CSMD1: variants seen among roughly 807,000 people sequenced by gnomAD.
CSMD1 encodes CUB and Sushi multiple domains 1.
In CSMD1, 213 loss-of-function variants were observed where a neutral mutation model predicts 417.5. The ratio of observed to expected loss-of-function variants is 0.51; its 90% CI spans 0.46 to 0.57. The LOEUF (loss-of-function observed/expected upper bound fraction) is 0.57, where lower values mean the gene tolerates loss of function less well. CSMD1 is among the 20% of genes least tolerant of loss of function. The pLI is 0.00. For missense variants in CSMD1, 6,923 were observed against 4,529.7 expected, an observed-to-expected ratio of 1.53 and a Z score of -15.17; for synonymous variants, 2,862 against 1,736.8, an observed-to-expected ratio of 1.65 and a Z score of -16.11.
chr8:3,234,735 A>G (rs563712979), intron 26 of CSMD1, among the ~76,000 whole-genome samples: 66 of 152,342 alleles, frequency 4.3e-4, no homozygotes, highest in African/African-American at 1.6e-3. Flanking sequence ...CTCACCCATA[A>G]GCCACACATT....
intron 40 of CSMD1, among the ~76,000 whole-genome samples, chr8:3,147,317 G>C (rs573140049): frequency 1.3e-5 from 2 of 152,186 alleles, no homozygotes; most frequent in South Asian, 4.2e-4. Flanking sequence ...AAAATCTCAT[G>C]ATTTCTACAT....
At chr8:4,156,856 T>G (rs564664446) in intron 3 of CSMD1, among the ~76,000 whole-genome samples, 100 of 152,276 alleles carry the variant, frequency 6.6e-4, no homozygotes, top group African/African-American at 2.4e-3. Context: ...GCTTTTTAAT[T>G]TATCTGAGCT....
chr8:4,001,633 C>G (rs189037977), intron 4 of CSMD1, among the ~76,000 whole-genome samples: 5 of 152,202 alleles, frequency 3.3e-5, no homozygotes, highest in African/African-American at 9.6e-5. Context: ...TTTGAGTCCC[C>G]TGAGTCTAAG....
intron 2 of CSMD1, among the ~76,000 whole-genome samples, chr8:4,480,316 G>C (rs1334091950): frequency 1.3e-5 from 2 of 152,114 alleles, no homozygotes; most frequent in African/African-American, 2.4e-5. Context: ...TAACCTGTGT[G>C]TTTCTGCAGC....
At chr8:4,560,017 A>C (rs532490810) in intron 2 of CSMD1, among the ~76,000 whole-genome samples, 23 of 152,320 alleles carry the variant, frequency 1.5e-4, no homozygotes, top group African/African-American at 5.3e-4. Context: ...TGTGGTCAGA[A>C]ATGCAGTTGA....
intron 3 of CSMD1, among the ~76,000 whole-genome samples, chr8:4,218,098 A>G (rs1800793238): frequency 6.6e-6 from 1 of 152,186 alleles, no homozygotes; most frequent in South Asian, 2.1e-4. Context: ...AATTTTTGCA[A>G]TCGGACATTG....
chr8:3,648,633 G>A (rs1018538977), intron 7 of CSMD1, among the ~76,000 whole-genome samples: 3 of 152,158 alleles, frequency 2.0e-5, no homozygotes, highest in East Asian at 3.9e-4. Flanking sequence ...TTTCTCTAGA[G>A]CATAACAGGA....
chr8:3,633,952 G>C (rs1377579881), intron 7 of CSMD1, among the ~76,000 whole-genome samples: 2 of 151,628 alleles, frequency 1.3e-5, no homozygotes, highest in African/African-American at 2.4e-5. Context: ...ATTTCAAGTG[G>C]ATTCAGTATG....
rs1287162956 is a variant in CSMD1, at chr8:2,942,511, A to G, written c.10496T>C (p.Leu3499Pro). 1.2e-6 allele frequency: 2 copies of G among 1,612,956 alleles called. No homozygotes were observed. Among genetic ancestry groups the G allele is most frequent in the Admixed American group, 1.7e-5 (1 of 59,944 alleles). ...AAAILVPFFA[L>P]ILSGFAFYLY... is the part of the protein sequence containing the mutation. ...GTAAAATGCAAACCCTGATAAAATT[A>G]GAGCAAAGAAAGGAACCAGAATGGC... The change falls in exon 69 of 70, where the codon CTA becomes CCA. Residue 3499 changes from leucine to proline, a missense_variant. Transcript: ENST00000635120.
intron 6 of CSMD1, among the ~76,000 whole-genome samples, chr8:3,720,631 A>T (rs1263001272): frequency 1.3e-5 from 2 of 151,510 alleles, no homozygotes; most frequent in Non-Finnish European, 1.5e-5. Flanking sequence ...ACACACACAC[A>T]CACACACACA....
At chr8:3,556,939 T>G (rs1799183126) in intron 10 of CSMD1, among the ~76,000 whole-genome samples, 1 of 152,048 alleles carries the variant, frequency 6.6e-6, no homozygotes, top group Admixed American at 6.6e-5. Context: ...AACACACACA[T>G]AAAGCCTCAC....
In CSMD1 at chr8:4,370,435, A is replaced by G. The variant is rs566744359; in HGVS notation, c.415+49518T>C. The stretch of plus-strand genomic sequence containing the variant: ...ATTGTCTTGGAAAGGGTCATCTTGT[A>G]TAATATCTCATGGAGATTCTCTGAA... On this transcript the variant is annotated intron_variant, in intron 3 of 69. Coordinates refer to ENST00000635120, the MANE Select transcript of CSMD1 (RefSeq NM_033225.6). Among the ~76,000 whole-genome samples the G allele has an allele frequency of 9.2e-5, 14 of 152,220 alleles. No individual in the cohort carries two copies. In the South Asian group the frequency reaches 2.1e-3, roughly 23 times the overall value.
chr8:3,628,862 A>G (rs1796624465), intron 7 of CSMD1, among the ~76,000 whole-genome samples: 2 of 132,108 alleles, frequency 1.5e-5, no homozygotes, highest in Non-Finnish European at 1.7e-5. Context: ...AACCCAAATA[A>G]TCTAAGTTTT....
chr8:3,342,845 G>GT (rs1159925023), intron 23 of CSMD1, among the ~76,000 whole-genome samples: 1 of 140,708 alleles, frequency 7.1e-6, no homozygotes, highest in South Asian at 2.3e-4. Context: ...TGTAGTTGTT[G>GT]TGTGTGTGTG....
intron 5 of CSMD1, among the ~76,000 whole-genome samples, chr8:3,909,135 G>T (rs149434592): frequency 6.6e-6 from 1 of 152,198 alleles, no homozygotes. Flanking sequence ...GGAGAGGCTT[G>T]AAGTGGATCG....
At chr8:3,870,831 T>C (rs1052198060) in intron 5 of CSMD1, among the ~76,000 whole-genome samples, 2 of 152,142 alleles carry the variant, frequency 1.3e-5, no homozygotes, top group Non-Finnish European at 2.9e-5. Context: ...GAAAGAAGCA[T>C]CTCCAACATT....
chr8:2,967,681 C>A (rs1436521066), intron 57 of CSMD1, among the ~76,000 whole-genome samples: 3 of 152,174 alleles, frequency 2.0e-5, no homozygotes, highest in Non-Finnish European at 2.9e-5. Flanking sequence ...GAGACTGCCT[C>A]TGAGCTGATC....
At chr8:3,820,264 G>T (rs1417648462) in intron 5 of CSMD1, among the ~76,000 whole-genome samples, 1 of 152,184 alleles carries the variant, frequency 6.6e-6, no homozygotes, top group Non-Finnish European at 1.5e-5. Context: ...TGGCAAATGG[G>T]AAGGTAGAAA....
chr8:4,730,169 G>T (rs548521714), intron 1 of CSMD1, among the ~76,000 whole-genome samples: 2 of 152,020 alleles, frequency 1.3e-5, no homozygotes, highest in Non-Finnish European at 2.9e-5. Context: ...CATGGTCTCA[G>T]TGTGGAAAAA....
Sources: allele counts gnomAD v4.1 joint callset (sites outside exome capture counted in the v4.1 genomes callset), GRCh38; gene constraint gnomAD v4.1.1; transcripts MANE v1.5; gene names NCBI Gene and HGNC (gene_info 2026-07-23, HGNC 2026-07-21).